Variants in CEP97 observed in about 807,000 individuals in gnomAD.
The protein encoded by CEP97 is centrosomal protein of 97 kDa.
Under a neutral mutation model 73.1 loss-of-function variants are expected in CEP97, and 43 were observed. The observed-to-expected ratio is 0.59, with a 90% confidence interval of 0.46 to 0.76. The LOEUF (loss-of-function observed/expected upper bound fraction) is 0.76. Among genes scored for constraint, CEP97 ranks in the 30% least tolerant of loss-of-function variants. The pLI is 0.00. For synonymous variants in CEP97, 337 were observed against 370.0 expected (o/e 0.91, Z 1.02); for missense variants, 939 against 1,014.0 (o/e 0.93, Z 1.00).
At chr3:101,743,607 G>T (rs960682653) in intron 6 of CEP97, among the ~76,000 whole-genome samples, 1 of 152,068 alleles carries the variant, frequency 6.6e-6, no homozygotes, top group Admixed American at 6.6e-5. Context: ...TGTTGCCCGG[G>T]CTGGTCTTGA....
chr3:101,763,564 A>T (rs1391996211), intron 10 of CEP97, among the ~76,000 whole-genome samples: 3 of 152,160 alleles, frequency 2.0e-5, no homozygotes, highest in Admixed American at 6.5e-5. Context: ...GATATGCATC[A>T]AGTTGCTGTC....
chr3:101,765,116 G>C lies in CEP97; in HGVS notation c.2163G>C (p.Glu721Asp). ...VHSLQHSLDF[E>D]KSSTEGSESS... The stretch of plus-strand genomic sequence containing the variant: ...CATTGCAGCATTCTTTGGATTTTGA[G>C]AAAAGTTCCACAGAAGGCAGTGAAA... Residue 721 changes from glutamate (E) to aspartate (D), a missense_variant, in exon 11 of 11, where the codon GAG (glutamate) becomes GAC (aspartate). Physicochemically the swap from Glu to Asp is conservative, Grantham distance 45 (BLOSUM62 2). Transcript: ENST00000341893. The C allele has an allele frequency of 6.2e-7, 1 of 1,614,146 alleles. No homozygotes were observed. The highest frequency in any genetic ancestry group is 8.5e-7 in the Non-Finnish European group (1 of 1,180,040).
In CEP97 at chr3:101,758,037, G is replaced by C; in HGVS notation, c.1431G>C (p.Glu477Asp). The C allele has an allele frequency of 6.2e-7, 1 of 1,614,230 alleles. No homozygotes were observed. The highest frequency in any genetic ancestry group is 8.5e-7 in the Non-Finnish European group (1 of 1,180,036). The change falls in exon 9 of 11, where the codon GAG becomes GAC. Residue 477 changes from glutamate to aspartate, a missense_variant. By Grantham distance (45) the Glu-to-Asp change is conservative (BLOSUM62 2). Transcript: ENST00000341893. ...MRSEINTEVNEKAGLLPCPEP... is the reference protein window; with the variant it reads ...MRSEINTEVNDKAGLLPCPEP... ...GTGAAATCAATACAGAGGTAAATGA[G>C]AAAGCTGGACTATTACCTTGTCCTG... is the stretch of plus-strand genomic sequence containing the variant.
At chr3:101,734,104 G>A (rs1050488100) in intron 6 of CEP97, among the ~76,000 whole-genome samples, 2 of 152,346 alleles carry the variant, frequency 1.3e-5, no homozygotes, top group Non-Finnish European at 2.9e-5. Context: ...GGGATTACAG[G>A]CATGAGCCAC....
chr3:101,743,874 C>T (rs1023855298), intron 6 of CEP97, among the ~76,000 whole-genome samples: 6 of 151,884 alleles, frequency 4.0e-5, no homozygotes, highest in South Asian at 2.1e-4. Flanking sequence ...TATGGTCGCG[C>T]GTGCCTATAA....
intron 6 of CEP97, among the ~76,000 whole-genome samples, chr3:101,748,239 G>GTT (rs1378084517): frequency 1.4e-5 from 2 of 142,632 alleles, no homozygotes; most frequent in African/African-American, 5.2e-5. Flanking sequence ...TTTGTTTTTG[G>GTT]TTTTTTTTTT....
intron 6 of CEP97, among the ~76,000 whole-genome samples, chr3:101,746,475 A>G (rs1938618981): frequency 6.6e-6 from 1 of 151,058 alleles, no homozygotes; most frequent in South Asian, 2.1e-4. Context: ...GGCTAGCCAT[A>G]TGTAGAAAGC....
intron 6 of CEP97, among the ~76,000 whole-genome samples, chr3:101,740,054 A>C (rs949923538): frequency 6.6e-6 from 1 of 152,216 alleles, no homozygotes; most frequent in Non-Finnish European, 1.5e-5. Context: ...ATTCCCTTTG[A>C]AAACTGGCAC....
intron 6 of CEP97, among the ~76,000 whole-genome samples, chr3:101,743,945 G>A (rs115147723): frequency 0.049 from 7,371 of 151,208 alleles, 642 homozygotes; most frequent in African/African-American, 0.17. Flanking sequence ...CAGAGGTTAC[G>A]GTGAGCTGAG....
Position 101,725,873 on chromosome 3 carries a change from T to G in CEP97, c.44-721T>G, listed in dbSNP as rs1005288503. On this transcript the variant is annotated intron_variant, in intron 1 of 10. Coordinates refer to ENST00000341893, the MANE Select transcript of CEP97 (RefSeq NM_024548.4). ...AGGCGATGTTCTCAGTCCTTTTTTTTTTTGTTTTTTTTTTTACATTATCTC... is the reference window on the plus strand; with the variant it reads ...AGGCGATGTTCTCAGTCCTTTTTTTGTTTGTTTTTTTTTTTACATTATCTC... Among the ~76,000 whole-genome samples, 18 of 135,248 alleles carry G rather than the reference T, an allele frequency of 1.3e-4. No homozygotes were observed. In the East Asian group the frequency reaches 2.0e-3, roughly 15 times the overall value. The allele number at this position is 135,248 out of a possible 152,430, so 88.7% of individuals were successfully genotyped here.
chr3:101,747,229 A>C (rs1416773708), intron 6 of CEP97, among the ~76,000 whole-genome samples: 1 of 151,928 alleles, frequency 6.6e-6, no homozygotes, highest in Non-Finnish European at 1.5e-5. Flanking sequence ...TTTAAAAGCA[A>C]ATATCAGATA....
intron 6 of CEP97, among the ~76,000 whole-genome samples, chr3:101,753,573 G>C (rs1233794084): frequency 6.6e-6 from 1 of 152,254 alleles, no homozygotes; most frequent in Non-Finnish European, 1.5e-5. Flanking sequence ...CGGGCTTCCG[G>C]CTGCTTTGTT....
intron 6 of CEP97, among the ~76,000 whole-genome samples, chr3:101,753,601 G>A (rs934697341): frequency 6.6e-6 from 1 of 152,240 alleles, no homozygotes; most frequent in African/African-American, 2.4e-5. Flanking sequence ...GCGAGCCTGG[G>A]CAATGGCGGG....
chr3:101,762,433 C>CT, intron 9 of CEP97, 52 bp from the exon 10 acceptor site: 1 of 1,149,582 alleles, frequency 8.7e-7, no homozygotes, highest in East Asian at 2.4e-5. Flanking sequence ...AACAGGAAGT[C>CT]TGAGTCAAAG....
At chr3:101,750,898 G>A (rs1292291716) in intron 6 of CEP97, among the ~76,000 whole-genome samples, 1 of 152,064 alleles carries the variant, frequency 6.6e-6, no homozygotes, top group Non-Finnish European at 1.5e-5. Flanking sequence ...AGGGTTTTTT[G>A]TGTCTCTATT....
intron 6 of CEP97, among the ~76,000 whole-genome samples, chr3:101,736,543 G>C (rs192049220): frequency 6.6e-6 from 1 of 152,348 alleles, no homozygotes; most frequent in Admixed American, 6.5e-5. Flanking sequence ...CTCTGCTGTT[G>C]ATAGCCAGGA....
At position 101,770,491 on chromosome 3, in the gene CEP97, C is replaced by G. The variant is rs1939432355; in HGVS notation, c.*4940C>G. The G allele has an allele frequency of 6.6e-6, 1 of 152,080 alleles. No individual in the cohort carries two copies. The highest frequency in any genetic ancestry group is 2.4e-5 in the African/African-American group (1 of 41,392). The allele number at this position is 152,080 out of a possible 1,614,324, so 9.4% of individuals were successfully genotyped here. On this transcript the variant is annotated 3_prime_UTR_variant, in exon 11 of 11. Transcript: ENST00000341893. The stretch of plus-strand genomic sequence containing the variant: ...TTATGATGTGTTTTATGAAGGCTTA[C>G]TATTTTATATTGTACTTATTTAATT...
In CEP97 at chr3:101,765,612, T is replaced by A. The variant is rs930058433; in HGVS notation, c.*61T>A. 3.6e-6 allele frequency: 5 copies of A among 1,406,890 alleles called. No homozygotes were observed. The African/African-American group carries it at 7.2e-5, about 20-fold the overall frequency. 87.2% of individuals were successfully genotyped at this position (1,406,890 alleles called of 1,614,324 possible). ...TCTTAAAAATACTTTCAGTTGCCTT[T>A]GCTTTTTTTTGGAGGGAAATACTCC... On this transcript the variant is annotated 3_prime_UTR_variant, in exon 11 of 11. Transcript: ENST00000341893.
intron 9 of CEP97, among the ~76,000 whole-genome samples, chr3:101,760,713 A>C (rs568414324): frequency 6.6e-6 from 1 of 151,704 alleles, no homozygotes; most frequent in Non-Finnish European, 1.5e-5. Flanking sequence ...AGCTAATTAA[A>C]AAAAATTTTT....
Sources: allele counts gnomAD v4.1 joint callset (sites outside exome capture counted in the v4.1 genomes callset), GRCh38; gene constraint gnomAD v4.1.1; transcripts MANE v1.5; gene names NCBI Gene and HGNC (gene_info 2026-07-23, HGNC 2026-07-21).